SLIT3: variants seen among roughly 807,000 people sequenced by gnomAD.
SLIT3 encodes the protein slit guidance ligand 3.
A neutral mutation model predicts 184.0 loss-of-function variants in SLIT3; 68 were observed. The observed-to-expected ratio is 0.37, with a 90% CI of 0.30 to 0.45. The LOEUF is 0.45. SLIT3 is among the 20% of genes least tolerant of loss of function. The probability of loss-of-function intolerance (pLI) is 1.00; values close to 1 mark genes in which losing one functional copy is unlikely to be tolerated. For missense variants in SLIT3, 1,707 were observed against 2,026.0 expected (o/e 0.84, Z 3.02); for synonymous variants, 831 against 828.6 (o/e 1.00, Z -0.05).
At chr5:169,171,802 G>A (rs980650963) in intron 4 of SLIT3, among the ~76,000 whole-genome samples, 10 of 152,340 alleles carry the variant, frequency 6.6e-5, no homozygotes, top group South Asian at 2.1e-4. Flanking sequence ...ATGGGGTGGG[G>A]TGGAGAATGG....
At chr5:168,751,825 C>T (rs935286128) in intron 18 of SLIT3, among the ~76,000 whole-genome samples, 9 of 151,922 alleles carry the variant, frequency 5.9e-5, no homozygotes, top group African/African-American at 2.2e-4. Context: ...GCAACCTCCA[C>T]CTCCCGGGTT....
chr5:168,904,330 G>A (rs982975419), intron 4 of SLIT3, among the ~76,000 whole-genome samples: 2 of 151,978 alleles, frequency 1.3e-5, no homozygotes, highest in Non-Finnish European at 2.9e-5. Context: ...GTTCCAATGG[G>A]GGGAAATAAA....
chr5:168,710,413 A>G (rs1762517856), intron 25 of SLIT3, among the ~76,000 whole-genome samples: 1 of 152,212 alleles, frequency 6.6e-6, no homozygotes, highest in Non-Finnish European at 1.5e-5. Context: ...AGTTTGCTGG[A>G]TAAAATGGGA....
intron 4 of SLIT3, among the ~76,000 whole-genome samples, chr5:169,113,148 A>ACTATCAGC (rs1760472822): frequency 6.6e-6 from 1 of 152,106 alleles, no homozygotes. Flanking sequence ...TGCAGCCATC[A>ACTATCAGC]CTATCAGCCG....
intron 4 of SLIT3, among the ~76,000 whole-genome samples, chr5:169,077,456 T>A (rs1758790048): frequency 6.6e-6 from 1 of 151,952 alleles, no homozygotes; most frequent in Non-Finnish European, 1.5e-5. Context: ...GGAGAATCAC[T>A]TGAACTCAGA....
At chr5:168,986,501 A>G (rs1755136626) in intron 4 of SLIT3, among the ~76,000 whole-genome samples, 1 of 152,110 alleles carries the variant, frequency 6.6e-6, no homozygotes, top group Non-Finnish European at 1.5e-5. Flanking sequence ...TATCAGCGAA[A>G]ACATCAGCAT....
At chr5:169,214,158 G>A (rs1764360179) in intron 3 of SLIT3, among the ~76,000 whole-genome samples, 1 of 152,220 alleles carries the variant, frequency 6.6e-6, no homozygotes, top group African/African-American at 2.4e-5. Context: ...AGAATTAATT[G>A]AAATCATATA....
intron 4 of SLIT3, among the ~76,000 whole-genome samples, chr5:169,045,030 A>G (rs1757581547): frequency 6.6e-6 from 1 of 152,216 alleles, no homozygotes; most frequent in Non-Finnish European, 1.5e-5. Context: ...TTTCTGCGAG[A>G]TGAAGCAGCA....
At position 168,696,334 on chromosome 5, in the gene SLIT3, C is replaced by T. The variant is rs756200629; in HGVS notation, c.3040G>A (p.Gly1014Arg). 35 of 1,614,038 alleles carry T rather than the reference C, an allele frequency of 2.2e-5. No homozygotes were observed. Among genetic ancestry groups the T allele is most frequent in the South Asian group, 4.4e-5 (4 of 91,084 alleles). The change falls in exon 28 of 36, where the codon GGG (glycine) becomes AGG (arginine). Residue 1014 changes from glycine (G) to arginine (R), a missense_variant. Physicochemically the swap from Gly to Arg is moderately radical, Grantham distance 125. Coordinates refer to ENST00000519560, the MANE Select transcript of SLIT3 (RefSeq NM_003062.4). ...DCENNATCVD[G>R]INNYVCICPP... is the part of the protein sequence containing the mutation. The stretch of plus-strand genomic sequence containing the variant: ...CAGATACACACGTAGTTGTTGATCC[C>T]GTCCACGCAGGTGGCATTGTTTTCG...
intron 8 of SLIT3, among the ~76,000 whole-genome samples, chr5:168,810,034 C>T (rs1242237442): frequency 6.6e-6 from 1 of 152,212 alleles, no homozygotes; most frequent in African/African-American, 2.4e-5. Context: ...CTCACTTGCA[C>T]AAGCCAGGGT....
At chr5:168,722,373 A>G (rs1457042344) in intron 22 of SLIT3, 46 bp from the exon 23 acceptor site, 8 of 1,519,802 alleles carry the variant, frequency 5.3e-6, no homozygotes, top group Middle Eastern at 1.7e-4. Flanking sequence ...TCTATTCTCT[A>G]CCATGCATAG....
chr5:168,926,281 C>T (rs1463876716), intron 4 of SLIT3, among the ~76,000 whole-genome samples: 1 of 152,188 alleles, frequency 6.6e-6, no homozygotes, highest in Non-Finnish European at 1.5e-5. Flanking sequence ...GCTATGGTTC[C>T]CAGAGCAGGA....
At chr5:168,857,383 GTT>G (rs572981734) in intron 5 of SLIT3, among the ~76,000 whole-genome samples, 1 of 150,858 alleles carries the variant, frequency 6.6e-6, no homozygotes, top group Admixed American at 6.6e-5. Context: ...TTTTTGTTTT[GTT>G]TTGTTTTGTT....
chr5:168,788,400 G>A (rs1479672713), intron 11 of SLIT3, among the ~76,000 whole-genome samples: 4 of 152,156 alleles, frequency 2.6e-5, no homozygotes, highest in African/African-American at 9.7e-5. Flanking sequence ...GGGAATATGT[G>A]CATCTGGTTA....
At chr5:168,727,596 G>T (rs73802375) in intron 20 of SLIT3, among the ~76,000 whole-genome samples, 4,049 of 152,268 alleles carry the variant, frequency 0.027, 184 homozygotes, top group African/African-American at 0.092. Context: ...ACAATGAGAG[G>T]CCATGACTGC....
At chr5:168,671,138 G>GTAGGGACT in intron 34 of SLIT3, 60 bp downstream of exon 34, 2 of 1,555,376 alleles carry the variant, frequency 1.3e-6, no homozygotes, top group Non-Finnish European at 1.7e-6. Flanking sequence ...CTCAGGTGGG[G>GTAGGGACT]TAGGGACTGA....
chr5:169,167,199 C>CAA (rs11385125), intron 4 of SLIT3, among the ~76,000 whole-genome samples: 74 of 146,728 alleles, frequency 5.0e-4, no homozygotes, highest in African/African-American at 1.7e-3. Flanking sequence ...CAAAACAAAA[C>CAA]AAAAAAAACC....
At chr5:168,783,933 T>C (rs1247723779) in intron 12 of SLIT3, among the ~76,000 whole-genome samples, 1 of 152,138 alleles carries the variant, frequency 6.6e-6, no homozygotes, top group Non-Finnish European at 1.5e-5. Flanking sequence ...TAAACTGGAG[T>C]TGCCTTCGCG....
intron 5 of SLIT3, among the ~76,000 whole-genome samples, chr5:168,875,632 C>T (rs1324220060): frequency 6.8e-6 from 1 of 147,376 alleles, no homozygotes; most frequent in African/African-American, 2.5e-5. Context: ...AAAACTCCGC[C>T]TTAAAAAAAG....
Sources: allele counts gnomAD v4.1 joint callset (sites outside exome capture counted in the v4.1 genomes callset), GRCh38; gene constraint gnomAD v4.1.1; transcripts MANE v1.5; gene names NCBI Gene and HGNC (gene_info 2026-07-23, HGNC 2026-07-21).